SLC5A1: variants seen among roughly 807,000 people sequenced by gnomAD.
SLC5A1 encodes the protein sodium/glucose cotransporter 1.
Under a neutral mutation model 73.5 loss-of-function variants are expected in SLC5A1, and 42 were observed. That is an observed-to-expected ratio of 0.57 (90% CI 0.45 to 0.74). The LOEUF (loss-of-function observed/expected upper bound fraction) is 0.74. Among genes scored for constraint, SLC5A1 ranks in the 30% least tolerant of loss-of-function variants. The pLI, the probability that SLC5A1 is intolerant of heterozygous loss-of-function variation, is 0.00. For missense variants in SLC5A1, 634 were observed against 855.4 expected (o/e 0.74, Z 3.23); for synonymous variants, 300 against 317.4 (o/e 0.95, Z 0.58).
intron 10 of SLC5A1, among the ~76,000 whole-genome samples, chr22:32,089,826 G>T (rs1224263237): frequency 6.6e-6 from 1 of 152,146 alleles, no homozygotes; most frequent in African/African-American, 2.4e-5. Flanking sequence ...TAAAACTCTT[G>T]TTAGTGGGTC....
chr22:32,084,517 A>C lies in SLC5A1; in HGVS notation c.743A>C (p.Asn248Thr). 6.2e-7 allele frequency: 1 copy of C among 1,614,234 alleles called. No individual in the cohort carries two copies. The highest frequency in any genetic ancestry group is 8.5e-7 in the Non-Finnish European group (1 of 1,180,034). ...ATTCCAACCATAGTGTCTGATGGCA[A>C]CACCACCTTTCAGGAAAAATGCTAC... ...KAIPTIVSDG[N>T]TTFQEKCYTP... Residue 248 changes from asparagine (N) to threonine (T), a missense_variant, in exon 8 of 15, where the codon AAC becomes ACC. By Grantham distance (65) the Asn-to-Thr change is moderately conservative. Transcript: ENST00000266088.
At position 32,063,328 on chromosome 22, in the gene SLC5A1, C is replaced by G. The variant is rs184342597; in HGVS notation, c.208-3607C>G. On this transcript the variant is annotated intron_variant, in intron 2 of 14. Transcript: ENST00000266088. ...GGGAGGAGAAAGGAGGGAAGGGACA[C>G]TGATTGAGAATCAGCTGTGTCAGTC... 7.4e-3 allele frequency among the ~76,000 whole-genome samples: 1,122 copies of G among 152,238 alleles called. 9 individuals carry two copies. Among genetic ancestry groups the G allele is most frequent in the Non-Finnish European group, 0.01 (711 of 68,004 alleles).
intron 11 of SLC5A1, among the ~76,000 whole-genome samples, chr22:32,098,077 A>G (rs539837708): frequency 1.3e-4 from 20 of 152,320 alleles, no homozygotes; most frequent in Non-Finnish European, 2.5e-4. Flanking sequence ...GTCAAACAGA[A>G]TTCTTATACA....
In SLC5A1 at chr22:32,110,350, G is replaced by C; in HGVS notation, c.*137G>C. On this transcript the variant is annotated 3_prime_UTR_variant, in exon 15 of 15. Coordinates refer to ENST00000266088, the MANE Select transcript of SLC5A1 (RefSeq NM_000343.4). ...ATAAATGTGTACATGTGTAATTATAGGCTAGCTGGAAGAAAACCATTAGTT... is the reference window on the plus strand; with the variant it reads ...ATAAATGTGTACATGTGTAATTATACGCTAGCTGGAAGAAAACCATTAGTT... The C allele has an allele frequency of 4.2e-6, 3 of 720,412 alleles. No individual in the cohort carries two copies. In the South Asian group the frequency reaches 4.5e-5, roughly 11 times the overall value. 44.6% of individuals were successfully genotyped at this position (720,412 alleles called of 1,614,324 possible).
chr22:32,097,352 G>A (rs932053173), intron 11 of SLC5A1, among the ~76,000 whole-genome samples: 1 of 152,156 alleles, frequency 6.6e-6, no homozygotes, highest in Non-Finnish European at 1.5e-5. Context: ...TGGAAAAGGG[G>A]GACAGTGGAA....
intron 13 of SLC5A1, 67 bp from the exon 14 acceptor site, chr22:32,104,719 C>A (rs1425455715): frequency 1.6e-6 from 2 of 1,232,518 alleles, no homozygotes; most frequent in Non-Finnish European, 1.2e-6. Flanking sequence ...ATCTCTTTGC[C>A]CCCCCAACTT....
intron 2 of SLC5A1, among the ~76,000 whole-genome samples, chr22:32,054,554 C>T (rs1252782584): frequency 6.6e-6 from 1 of 152,130 alleles, no homozygotes; most frequent in Non-Finnish European, 1.5e-5. Context: ...TGTGAAGATT[C>T]TGGGATGAGT....
intron 2 of SLC5A1, among the ~76,000 whole-genome samples, chr22:32,057,314 T>C (rs1039402289): frequency 7.9e-5 from 12 of 152,254 alleles, no homozygotes; most frequent in Non-Finnish European, 5.9e-5. Context: ...TTGCCCAAGC[T>C]GGAGTGCAGT....
intron 1 of SLC5A1, among the ~76,000 whole-genome samples, chr22:32,048,226 G>A (rs1306227788): frequency 1.3e-5 from 2 of 151,434 alleles, no homozygotes; most frequent in Non-Finnish European, 2.9e-5. Flanking sequence ...ATTAGCAAGT[G>A]TTCACTGAGA....
At position 32,104,865 on chromosome 22, in the gene SLC5A1, A is replaced by C. The variant is rs2094042582; in HGVS notation, c.1745A>C (p.Glu582Ala). Residue 582 changes from glutamate (E) to alanine (A), a missense_variant, in exon 14 of 15, where the codon GAA becomes GCA. This residue lies in a region of SLC5A1 where 161 missense variants were observed against 178.7 expected (regional missense o/e 0.90). Transcript: ENST00000266088. ...GATGCGGAAGAGGAGAACATCCAAG[A>C]AGGCCCTAAGGAGACCATTGAAATA... Reference protein sequence around the residue: ...DLDAEEENIQEGPKETIEIET... With the variant: ...DLDAEEENIQAGPKETIEIET... 6.2e-7 allele frequency: 1 copy of C among 1,613,878 alleles called. No homozygotes were observed.
At chr22:32,055,390 G>A (rs2093950270) in intron 2 of SLC5A1, among the ~76,000 whole-genome samples, 4 of 152,190 alleles carry the variant, frequency 2.6e-5, no homozygotes, top group African/African-American at 9.6e-5. Context: ...CCTTGAGATG[G>A]CAATGATCCA....
At chr22:32,049,195 CTATAT>C (rs2093941854) in intron 1 of SLC5A1, among the ~76,000 whole-genome samples, 1 of 122,952 alleles carries the variant, frequency 8.1e-6, no homozygotes. Flanking sequence ...ATATCTATAT[CTATAT>C]CTATATCTAT....
intron 5 of SLC5A1, among the ~76,000 whole-genome samples, chr22:32,077,215 C>T (rs2093992391): frequency 6.7e-6 from 1 of 148,918 alleles, no homozygotes; most frequent in African/African-American, 2.5e-5. Context: ...TCTTTCCTTC[C>T]TTCTTTCCTT....
rs550440261 is a variant in SLC5A1, at chr22:32,061,142, G to A, written c.208-5793G>A. On this transcript the variant is annotated intron_variant, in intron 2 of 14. Coordinates refer to ENST00000266088, the MANE Select transcript of SLC5A1 (RefSeq NM_000343.4). ...ACTTCTAACATTAATTGTCAGTAGC[G>A]GCTGGCTGCGGTGGCTCATGCCTGT... is the stretch of plus-strand genomic sequence containing the variant. Among the ~76,000 whole-genome samples, 6 of 152,248 alleles carry A rather than the reference G, an allele frequency of 3.9e-5. No homozygotes were observed. In the South Asian group the frequency reaches 6.2e-4, roughly 16 times the overall value.
intron 6 of SLC5A1, 156 bp from the exon 7 acceptor site, chr22:32,082,918 A>G: frequency 1.4e-6 from 1 of 700,988 alleles, no homozygotes; most frequent in South Asian, 1.6e-5. Flanking sequence ...AAATACTGTA[A>G]CAGGACAAGG....
intron 10 of SLC5A1, among the ~76,000 whole-genome samples, chr22:32,088,334 T>TC (rs1388273993): frequency 1.4e-5 from 2 of 144,582 alleles, no homozygotes; most frequent in Admixed American, 7.0e-5. Flanking sequence ...AATACTGCAT[T>TC]CCTTTTTTTT....
At chr22:32,084,751 G>C (rs56350448) in intron 8 of SLC5A1, 92 bp downstream of exon 8, 1 of 1,498,516 alleles carries the variant, frequency 6.7e-7, no homozygotes, top group African/African-American at 1.4e-5. Flanking sequence ...TTGGGACAGG[G>C]AGGGGAGAGC....
intron 1 of SLC5A1, among the ~76,000 whole-genome samples, chr22:32,046,350 G>A (rs968534020): frequency 1.3e-5 from 2 of 149,234 alleles, no homozygotes; most frequent in Middle Eastern, 3.2e-3. Flanking sequence ...GTGTCCTGGT[G>A]GTGCTGAATT....
At chr22:32,104,990 A>T in intron 14 of SLC5A1, 99 bp downstream of exon 14, 1 of 871,514 alleles carries the variant, frequency 1.1e-6, no homozygotes, top group Non-Finnish European at 1.9e-6. Flanking sequence ...ATCAGAGCTC[A>T]GATGTCTCCC....
Sources: gnomAD v4.1 joint callset for allele counts (sites outside exome capture counted in the v4.1 genomes callset) on GRCh38, gnomAD v4.1.1 for gene constraint, gnomAD v4.1.1 regional missense constraint, MANE v1.5 for transcripts, NCBI Gene and HGNC (gene_info 2026-07-23, HGNC 2026-07-21) for gene names.